CDH12: variants seen among roughly 807,000 people sequenced by gnomAD.
CDH12 encodes cadherin 12, also known as cadherin-12.
A neutral mutation model predicts 74.1 loss-of-function variants in CDH12; 41 were observed. The observed-to-expected ratio is 0.55, with a 90% CI of 0.43 to 0.72. The LOEUF is 0.72. Ranked by LOEUF, CDH12 falls within the 30% of genes least tolerant of loss-of-function variation. CDH12 has a pLI of 0.00. For missense variants in CDH12, 945 were observed against 977.2 expected (o/e 0.97, Z 0.44); for synonymous variants, 399 against 355.0 (o/e 1.12, Z -1.39).
At chr5:22,825,258 A>G (rs1342165445) in intron 1 of CDH12, among the ~76,000 whole-genome samples, 1 of 152,004 alleles carries the variant, frequency 6.6e-6, no homozygotes, top group Admixed American at 6.6e-5. Context: ...ACAAATGTAC[A>G]TATATATACT....
chr5:22,692,461 C>T (rs544338939), intron 1 of CDH12, among the ~76,000 whole-genome samples: 3 of 151,764 alleles, frequency 2.0e-5, no homozygotes, highest in Admixed American at 6.6e-5. Flanking sequence ...TCTATCAGTT[C>T]AATGATTACC....
intron 1 of CDH12, among the ~76,000 whole-genome samples, chr5:22,808,605 CTT>C (rs34567315): frequency 7.0e-4 from 78 of 111,462 alleles, no homozygotes; most frequent in African/African-American, 2.5e-3. Flanking sequence ...CTTTTCTTGT[CTT>C]TTTTTTTTTT....
At chr5:22,318,945 A>C (rs1738746794) in intron 3 of CDH12, among the ~76,000 whole-genome samples, 1 of 152,110 alleles carries the variant, frequency 6.6e-6, no homozygotes, top group Non-Finnish European at 1.5e-5. Flanking sequence ...GTTTTGGGAC[A>C]AAAAAATGAT....
At chr5:21,932,092 C>A (rs919687167) in intron 6 of CDH12, among the ~76,000 whole-genome samples, 22 of 152,124 alleles carry the variant, frequency 1.4e-4, no homozygotes, top group African/African-American at 5.1e-4. Context: ...TTAGGATACT[C>A]TACACAAATG....
intron 6 of CDH12, among the ~76,000 whole-genome samples, chr5:21,871,908 T>C (rs1751644345): frequency 6.6e-6 from 1 of 151,844 alleles, no homozygotes; most frequent in Non-Finnish European, 1.5e-5. Context: ...AAAAGGGAGG[T>C]TTTGAATATA....
intron 1 of CDH12, among the ~76,000 whole-genome samples, chr5:22,638,412 G>A (rs771097102): frequency 2.0e-5 from 3 of 152,110 alleles, no homozygotes; most frequent in East Asian, 1.9e-4. Flanking sequence ...GTTTGAGGGC[G>A]GCAAGCATCC....
chr5:22,585,211 C>G (rs893131745), intron 1 of CDH12, among the ~76,000 whole-genome samples: 1 of 152,094 alleles, frequency 6.6e-6, no homozygotes, highest in Non-Finnish European at 1.5e-5. Flanking sequence ...CTTCCAGCAC[C>G]CTGCCTATTT....
chr5:22,731,175 C>T (rs1273049133), intron 1 of CDH12, among the ~76,000 whole-genome samples: 2 of 151,678 alleles, frequency 1.3e-5, no homozygotes, highest in Admixed American at 6.6e-5. Flanking sequence ...AGATAAGACC[C>T]AATTATTATT....
At chr5:22,589,877 A>G in intron 1 of CDH12, among the ~76,000 whole-genome samples, 1 of 152,142 alleles carries the variant, frequency 6.6e-6, no homozygotes, top group East Asian at 1.9e-4. Context: ...TGACTAACAA[A>G]TTTATATCTA....
At chr5:21,970,836 T>C (rs1240590155) in intron 6 of CDH12, among the ~76,000 whole-genome samples, 1 of 50,896 alleles carries the variant, frequency 2.0e-5, no homozygotes, top group African/African-American at 8.7e-5. Context: ...CAAGACTCTT[T>C]CTCAAAAAAA....
intron 1 of CDH12, among the ~76,000 whole-genome samples, chr5:22,572,489 T>C (rs1045948893): frequency 6.6e-6 from 1 of 152,122 alleles, no homozygotes; most frequent in Non-Finnish European, 1.5e-5. Flanking sequence ...GGGCTCCATT[T>C]TCCTCTAATT....
In CDH12 at chr5:22,252,891, C is replaced by A. The variant is rs560016761; in HGVS notation, c.-332-40248G>T. Among the ~76,000 whole-genome samples, 7 of 151,902 alleles carry A rather than the reference C, an allele frequency of 4.6e-5. No homozygotes were observed. In the East Asian group the frequency reaches 1.4e-3, roughly 29 times the overall value. On this transcript the variant is annotated intron_variant, in intron 3 of 14. Transcript: ENST00000382254. ...TACATGCTCTACTGAAAACATGTAT[C>A]CTTTTTTAGAAACATGTTATCAGAT...
chr5:22,016,774 C>T (rs1348413986), intron 5 of CDH12, among the ~76,000 whole-genome samples: 1 of 152,142 alleles, frequency 6.6e-6, no homozygotes, highest in Admixed American at 6.5e-5. Flanking sequence ...TCCAGTTCTA[C>T]TCTAGTGGTT....
Position 22,399,234 on chromosome 5 carries a change from C to T in CDH12, c.-333+6023G>A, listed in dbSNP as rs1205091866. On this transcript the variant is annotated intron_variant, in intron 3 of 14. Coordinates refer to ENST00000382254, the MANE Select transcript of CDH12 (RefSeq NM_004061.5). The stretch of plus-strand genomic sequence containing the variant: ...TCTATCTATCTATCTATCTATCTAT[C>T]TAATCTAAACAAGTAGTGTAACATT... Among the ~76,000 whole-genome samples, 6 of 149,458 alleles carry T rather than the reference C, an allele frequency of 4.0e-5. No individual in the cohort carries two copies. The South Asian group carries it at 1.3e-3, about 31-fold the overall frequency.
chr5:22,558,505 C>A (rs1738901802), intron 1 of CDH12, among the ~76,000 whole-genome samples: 1 of 152,062 alleles, frequency 6.6e-6, no homozygotes, highest in South Asian at 2.1e-4. Context: ...GCAGAGTGAA[C>A]TTTGCAGGGG....
At chr5:22,139,007 G>A (rs1358911722) in intron 4 of CDH12, among the ~76,000 whole-genome samples, 1 of 150,222 alleles carries the variant, frequency 6.7e-6, no homozygotes, top group African/African-American at 2.4e-5. Context: ...AGGGAACCAG[G>A]TACTCCTATA....
In CDH12 at chr5:22,029,261, T is replaced by A. The variant is rs571795393; in HGVS notation, c.231+49185A>T. On this transcript the variant is annotated intron_variant, in intron 5 of 14. Coordinates refer to ENST00000382254, the MANE Select transcript of CDH12 (RefSeq NM_004061.5). ...GGCAACAAAAGACAAAATTGACAAATGGGATCTAATTAAACTAAAGAGCGT... is the reference window on the plus strand; with the variant it reads ...GGCAACAAAAGACAAAATTGACAAAAGGGATCTAATTAAACTAAAGAGCGT... Among the ~76,000 whole-genome samples, 1,183 of 152,012 alleles carry A rather than the reference T, an allele frequency of 7.8e-3. 17 individuals are homozygous for A. The highest frequency in any genetic ancestry group is 0.027 in the African/African-American group (1,136 of 41,408).
At chr5:21,905,973 CTTATA>C (rs1753623631) in intron 6 of CDH12, among the ~76,000 whole-genome samples, 1 of 151,826 alleles carries the variant, frequency 6.6e-6, no homozygotes, top group Non-Finnish European at 1.5e-5. Flanking sequence ...GTGCTCAATA[CTTATA>C]TTTAGAAGAA....
chr5:22,808,153 G>T (rs970395516), intron 1 of CDH12, among the ~76,000 whole-genome samples: 1 of 152,138 alleles, frequency 6.6e-6, no homozygotes, highest in African/African-American at 2.4e-5. Flanking sequence ...CAATTCTTTA[G>T]TGTGGTCTAT....
Sources: gnomAD v4.1 joint callset for allele counts (sites outside exome capture counted in the v4.1 genomes callset) on GRCh38, gnomAD v4.1.1 for gene constraint, MANE v1.5 for transcripts, NCBI Gene and HGNC (gene_info 2026-07-23, HGNC 2026-07-21) for gene names.